TXNDC8: variants seen among roughly 807,000 people sequenced by gnomAD.
TXNDC8 encodes thioredoxin domain containing 8, also known as thioredoxin domain-containing protein 8.
In TXNDC8, 15 loss-of-function variants were observed where a neutral mutation model predicts 12.9. The ratio of observed to expected loss-of-function variants is 1.16; its 90% CI spans 0.78 to 1.79. TXNDC8 has a LOEUF of 1.79. Among genes scored for constraint, TXNDC8 ranks in the 40% most tolerant of loss-of-function variants. The pLI, the probability that TXNDC8 is intolerant of heterozygous loss-of-function variation, is 0.00. For missense variants in TXNDC8, 128 were observed against 113.2 expected, an observed-to-expected ratio of 1.13 and a Z score of -0.59; for synonymous variants, 40 against 35.4, an observed-to-expected ratio of 1.13 and a Z score of -0.46.
rs1839035612 is a variant in TXNDC8, at chr9:110,320,149, G to T, written c.195+6026C>A. Among the ~76,000 whole-genome samples, 7 of 151,636 alleles carry T rather than the reference G, an allele frequency of 4.6e-5. No homozygotes were observed. In the South Asian group the frequency reaches 1.5e-3, roughly 32 times the overall value. On this transcript the variant is annotated intron_variant, in intron 3 of 4. Transcript: ENST00000423740. ...ATATTTAAGCAGTTGCCCCAAACTT[G>T]CTAATTCTTGGTTTCTCTTTCCCTA...
chr9:110,306,539 T>G (rs1838473658), intron 3 of TXNDC8, among the ~76,000 whole-genome samples: 1 of 152,210 alleles, frequency 6.6e-6, no homozygotes, highest in Non-Finnish European at 1.5e-5. Flanking sequence ...TCCCTCCCTG[T>G]TGCTCCTTGC....
At chr9:110,309,440 A>G (rs1388467353) in intron 3 of TXNDC8, among the ~76,000 whole-genome samples, 1 of 152,136 alleles carries the variant, frequency 6.6e-6, no homozygotes, top group African/African-American at 2.4e-5. Context: ...TGTTCAAGTG[A>G]TTCTCCTGCC....
At chr9:110,333,817 A>C (rs1024713405) in intron 2 of TXNDC8, among the ~76,000 whole-genome samples, 2 of 152,236 alleles carry the variant, frequency 1.3e-5, no homozygotes, top group Non-Finnish European at 2.9e-5. Context: ...ATAAGGTTGA[A>C]GAATTGGGAG....
At chr9:110,311,557 A>ATATATATATC (rs1554702019) in intron 3 of TXNDC8, among the ~76,000 whole-genome samples, 1 of 125,930 alleles carries the variant, frequency 7.9e-6, no homozygotes, top group African/African-American at 3.0e-5. Context: ...ATATATATAT[A>ATATATATATC]TCTCCATACT....
At chr9:110,332,795 T>C (rs1839595403) in intron 2 of TXNDC8, among the ~76,000 whole-genome samples, 1 of 152,168 alleles carries the variant, frequency 6.6e-6, no homozygotes, top group Non-Finnish European at 1.5e-5. Flanking sequence ...TTGGAGACTA[T>C]GAAAACATGA....
chr9:110,327,324 A>ATT (rs1355330597), intron 2 of TXNDC8, among the ~76,000 whole-genome samples: 54 of 120,866 alleles, frequency 4.5e-4, no homozygotes, highest in African/African-American at 5.0e-4. Context: ...TTTATACTAT[A>ATT]TATTTTTTTT....
intron 2 of TXNDC8, chr9:110,329,241 G>T (rs763769794): frequency 1.2e-6 from 2 of 1,612,142 alleles, no homozygotes; most frequent in East Asian, 4.5e-5. Context: ...CCGGAGAATT[G>T]TTCACATCCA....
At position 110,335,328 on chromosome 9, in the gene TXNDC8, C is replaced by G. The variant is rs113285650; in HGVS notation, c.25-1008G>C. 9.9e-3 allele frequency among the ~76,000 whole-genome samples: 1,508 copies of G among 152,222 alleles called. 23 individuals carry two copies. The highest frequency in any genetic ancestry group is 0.034 in the African/African-American group (1,412 of 41,534). ...CTCAGCTCACTGCAGACTCTGCCTC[C>G]CGGACTCAAGCCATCCTCCCACCTC... On this transcript the variant is annotated intron_variant, in intron 1 of 4. Transcript: ENST00000423740.
chr9:110,306,842 C>T (rs1214385188), intron 3 of TXNDC8, among the ~76,000 whole-genome samples: 1 of 152,120 alleles, frequency 6.6e-6, no homozygotes, highest in African/African-American at 2.4e-5. Context: ...TCTGTGATCC[C>T]ATAGTACTCT....
At chr9:110,310,554 T>G (rs1249744926) in intron 3 of TXNDC8, among the ~76,000 whole-genome samples, 1 of 152,168 alleles carries the variant, frequency 6.6e-6, no homozygotes, top group Non-Finnish European at 1.5e-5. Context: ...AATGTTTCAT[T>G]CCTGAAAATA....
intron 3 of TXNDC8, among the ~76,000 whole-genome samples, chr9:110,317,629 A>G (rs1401896694): frequency 6.6e-6 from 1 of 152,248 alleles, no homozygotes; most frequent in Non-Finnish European, 1.5e-5. Context: ...TCTTCTTTGC[A>G]GCCCCAGATT....
At position 110,329,213 on chromosome 9, in the gene TXNDC8, GAAGATTT is replaced by G; in HGVS notation, c.130-2980_130-2974del. On this transcript the variant is annotated intron_variant, in intron 2 of 4. Coordinates refer to ENST00000423740, the MANE Select transcript of TXNDC8 (RefSeq NM_001286946.2). ...CCTTTGGATTTTGAGTATGTGCACA[GAAGATTT>G]AAGATTCTTACCGGAGAATTGTTCA... The G allele has an allele frequency of 6.2e-7, 1 of 1,608,804 alleles. No homozygotes were observed. The highest frequency in any genetic ancestry group is 1.3e-5 in the African/African-American group (1 of 74,894).
downstream of TXNDC8, among the ~76,000 whole-genome samples, chr9:110,302,255 C>T (rs545747142): frequency 2.6e-5 from 4 of 152,228 alleles, no homozygotes; most frequent in Non-Finnish European, 5.9e-5. Context: ...CCCACCTCAG[C>T]CTCTCAAGCA....
intron 3 of TXNDC8, chr9:110,323,769 T>C: frequency 7.2e-7 from 1 of 1,394,850 alleles, no homozygotes; most frequent in East Asian, 2.6e-5. Flanking sequence ...TGTTTTCTTC[T>C]GTGTGGTAGA....
intron 3 of TXNDC8, among the ~76,000 whole-genome samples, chr9:110,312,382 G>C (rs2097981541): frequency 6.6e-6 from 1 of 152,172 alleles, no homozygotes; most frequent in African/African-American, 2.4e-5. Flanking sequence ...TTCCCTTAAG[G>C]AATCAAATAT....
chr9:110,333,360 T>C, intron 2 of TXNDC8, among the ~76,000 whole-genome samples: 1 of 152,194 alleles, frequency 6.6e-6, no homozygotes, highest in Non-Finnish European at 1.5e-5. Context: ...AGAATCTTAA[T>C]ACCTGATGAT....
At chr9:110,322,890 C>T in intron 3 of TXNDC8, 4 of 985,406 alleles carry the variant, frequency 4.1e-6, no homozygotes, top group Non-Finnish European at 4.8e-6. Flanking sequence ...TTCTTCTAGT[C>T]ACTGAGCTTT....
intron 3 of TXNDC8, among the ~76,000 whole-genome samples, chr9:110,311,455 G>A (rs923835100): frequency 4.7e-5 from 6 of 129,018 alleles, no homozygotes; most frequent in African/African-American, 1.7e-4. Context: ...TAAAGGTTAT[G>A]TATAAAACAA....
intron 1 of TXNDC8, among the ~76,000 whole-genome samples, chr9:110,336,238 A>G (rs1289021049): frequency 6.6e-6 from 1 of 152,240 alleles, no homozygotes; most frequent in Non-Finnish European, 1.5e-5. Flanking sequence ...GACTAATACA[A>G]CATGCCTGCT....
Sources: allele counts gnomAD v4.1 joint callset (sites outside exome capture counted in the v4.1 genomes callset), GRCh38; gene constraint gnomAD v4.1.1; transcripts MANE v1.5; gene names NCBI Gene and HGNC (gene_info 2026-07-23, HGNC 2026-07-21).